The following GPC2 variants were observed in gnomAD, a reference collection of about 807,000 sequenced individuals.
GPC2 encodes the protein glypican 2, also known as glypican-2.
A neutral mutation model predicts 57.3 loss-of-function variants in GPC2; 42 were observed. The ratio of observed to expected loss-of-function variants is 0.73; its 90% CI spans 0.57 to 0.95. The LOEUF is 0.95. GPC2 is among the 40% of genes least tolerant of loss of function. The pLI, the probability that GPC2 is intolerant of heterozygous loss-of-function variation, is 0.00. For missense variants in GPC2, 745 were observed against 793.6 expected (o/e 0.94, Z 0.74); for synonymous variants, 364 against 343.4 (o/e 1.06, Z -0.66).
intron 1 of GPC2, 33 bp downstream of exon 1, chr7:100,177,001 C>T: frequency 4.0e-6 from 2 of 504,832 alleles, no homozygotes; most frequent in Middle Eastern, 6.1e-4. Context: ...CGCCCCCCAC[C>T]CCCAATTCTC....
At position 100,177,093 on chromosome 7, in the gene GPC2, C is replaced by G. The variant is rs200469639; in HGVS notation, c.107G>C (p.Arg36Pro). Reference sequence around the variant, plus strand: ...ATATCCCCGGGCCCCCAGCACCTGCCGGGTCTCTGCACAACTCCGGGTGAC... The same window carrying G: ...ATATCCCCGGGCCCCCAGCACCTGCGGGGTCTCTGCACAACTCCGGGTGAC... ...AKVTRSCAET[R>P]QVLGARGYSL... Residue 36 changes from arginine (R) to proline (P), a missense_variant, in exon 1 of 10, where the codon CGG (arginine) becomes CCG (proline). Coordinates refer to ENST00000292377, the MANE Select transcript of GPC2 (RefSeq NM_152742.3). 25 of 1,612,980 alleles carry G rather than the reference C, an allele frequency of 1.5e-5. No individual in the cohort carries two copies. Among genetic ancestry groups the G allele is most frequent in the South Asian group, 1.1e-5 (1 of 90,862 alleles).
rs1416896105 is a variant in GPC2 at position 100,171,222 on chromosome 7, A to C, written c.1486+39T>G. 1 of 1,492,968 alleles carries C rather than the reference A, an allele frequency of 6.7e-7. No individual in the cohort carries two copies. The highest frequency in any genetic ancestry group is 1.3e-5 in the South Asian group (1 of 79,518). The allele number at this position is 1,492,968 out of a possible 1,614,324, so 92.5% of individuals were successfully genotyped here. A position where few individuals can be genotyped will look rare whatever the true frequency, so the allele number is the denominator to read the frequency against. On this transcript the variant is annotated intron_variant, in intron 9 of 9. Coordinates refer to ENST00000292377, the MANE Select transcript of GPC2 (RefSeq NM_152742.3). The surrounding 1 kb of genome is among the most constrained non-coding windows in gnomAD (Gnocchi z 4.8). Reference sequence around the variant, plus strand: ...CAGGAGAGGGGAGAGGCTTCAGGGCAGTGGGCGGGGCTCAGGCTCAGGGAT... The same window carrying C: ...CAGGAGAGGGGAGAGGCTTCAGGGCCGTGGGCGGGGCTCAGGCTCAGGGAT...
Position 100,174,697 on chromosome 7 carries a change from G to A in GPC2, c.717C>T (p.Ser239=), listed in dbSNP as rs764083785. 5.6e-6 allele frequency: 9 copies of A among 1,613,250 alleles called. No individual in the cohort carries two copies. Among genetic ancestry groups the A allele is most frequent in the African/African-American group, 2.7e-5 (2 of 74,896 alleles). ...QGLETGRNVV[S]EALKVPVSEG... Reference sequence around the variant, plus strand: ...GGCACCCTCCAACCTTAAGCGCTTCGCTGACCACATTTCTTCCAGTCTCCA... The same window carrying A: ...GGCACCCTCCAACCTTAAGCGCTTCACTGACCACATTTCTTCCAGTCTCCA... The change falls in exon 4 of 10, where the codon AGC becomes AGT. Residue 239 remains serine (S), a synonymous_variant. Transcript: ENST00000292377.
rs927417801 is a variant in GPC2 at position 100,175,892 on chromosome 7, A to T, written c.328T>A (p.Phe110Ile). The change falls in exon 3 of 10, where the codon TTT becomes ATT. Residue 110 changes from phenylalanine (F) to isoleucine (I), a missense_variant and splice_region_variant. Transcript: ENST00000292377. ...LAARHRKFDE[F>I]FLEMLSVAQH... ...GCTACTGAGAGCATCTCCAGAAAAA[A>T]CTCTGCAGCAAATGCAGGGAACAGG... The T allele has an allele frequency of 1.2e-6, 2 of 1,612,172 alleles. No individual in the cohort carries two copies. The highest frequency in any genetic ancestry group is 1.7e-4 in the Middle Eastern group (1 of 6,052).
At chr7:100,172,731 A>ACGTGTATATATATG (rs1799204246) in intron 5 of GPC2, among the ~76,000 whole-genome samples, 2 of 146,582 alleles carry the variant, frequency 1.4e-5, no homozygotes, top group African/African-American at 5.1e-5. Flanking sequence ...ACGTATATAT[A>ACGTGTATATATATG]TGTGTATATA....
At position 100,175,640 on chromosome 7, in the gene GPC2, G is replaced by A. The variant is rs369401121; in HGVS notation, c.580C>T (p.Arg194Cys). ...GAGCCATCGGTAGATGAGGCCAAGC[G>A]TGAGAGGCAGAGCAGGTAGTCAGGG... ...FPPDYLLCLS[R>C]LASSTDGSLQ... Residue 194 changes from arginine to cysteine, a missense_variant, in exon 3 of 10, where the codon CGC becomes TGC. Physicochemically the swap from Arg to Cys is radical, Grantham distance 180. Around this residue, in one of 2 missense-constraint regions of GPC2, gnomAD observed 607 missense variants for 603.9 expected, o/e 1.01. Coordinates refer to ENST00000292377, the MANE Select transcript of GPC2 (RefSeq NM_152742.3). The A allele has an allele frequency of 3.1e-6, 5 of 1,614,082 alleles. No individual in the cohort carries two copies. The highest frequency in any genetic ancestry group is 3.4e-6 in the Non-Finnish European group (4 of 1,179,974).
Position 100,171,064 on chromosome 7 carries a change from G to T in GPC2, c.1486+197C>A, listed in dbSNP as rs1799167751. On this transcript the variant is annotated intron_variant, in intron 9 of 9. Transcript: ENST00000292377. This position sits in a 1 kb window ranked among gnomAD's most constrained non-coding sequence, Gnocchi z 4.8. Reference sequence around the variant, plus strand: ...GAATGTTTTCGTGTCTCCCCTACTGGCCTGAAAGGATACAGACCCCCTCAT... The same window carrying T: ...GAATGTTTTCGTGTCTCCCCTACTGTCCTGAAAGGATACAGACCCCCTCAT... 2.0e-6 allele frequency: 1 copy of T among 509,406 alleles called. No individual in the cohort carries two copies. Among genetic ancestry groups the T allele is most frequent in the Non-Finnish European group, 3.4e-6 (1 of 295,318 alleles). The allele number at this position is 509,406 out of a possible 1,614,324, so 31.6% of individuals were successfully genotyped here.
At chr7:100,170,585 G>A in intron 9 of GPC2, 102 bp from the exon 10 acceptor site, 1 of 1,159,480 alleles carries the variant, frequency 8.6e-7, no homozygotes. Context: ...AGAGGAAAGG[G>A]AGGGAGACAC....
chr7:100,170,947 C>G, intron 9 of GPC2: 1 of 360,122 alleles, frequency 2.8e-6, no homozygotes, highest in Non-Finnish European at 5.0e-6. Flanking sequence ...TGTCACCCAC[C>G]ACCCTGGCTT....
Position 100,171,512 on chromosome 7 carries a change from C to A in GPC2, c.1310+27G>T. The A allele has an allele frequency of 7.4e-7, 1 of 1,355,430 alleles. No homozygotes were observed. The highest frequency in any genetic ancestry group is 9.4e-7 in the Non-Finnish European group (1 of 1,061,512). The allele number at this position is 1,355,430 out of a possible 1,614,324, so 84.0% of individuals were successfully genotyped here. ...CTCCCGGCCGCGGTCCCGCCCCCTG[C>A]TGCCCCCCGACGCCCCCGAGGCTCA... On this transcript the variant is annotated intron_variant, in intron 8 of 9. Coordinates refer to ENST00000292377, the MANE Select transcript of GPC2 (RefSeq NM_152742.3). This position sits in a 1 kb window ranked among gnomAD's most constrained non-coding sequence, Gnocchi z 4.8.
intron 5 of GPC2, among the ~76,000 whole-genome samples, chr7:100,172,689 A>ATATATATG (rs1799200695): frequency 3.8e-5 from 4 of 106,634 alleles, no homozygotes; most frequent in Admixed American, 2.0e-4. Flanking sequence ...GTGTGTGTAT[A>ATATATATG]TATATATACG....
In GPC2 at chr7:100,171,659, C is replaced by T. The variant is rs1799180593; in HGVS notation, c.1190G>A (p.Arg397His). Residue 397 changes from arginine (R) to histidine (H), a missense_variant, in exon 8 of 10, where the codon CGT becomes CAT. Arg to His is a conservative substitution (Grantham distance 29, BLOSUM62 0). Transcript: ENST00000292377. The surrounding 1 kb of genome is among the most constrained non-coding windows in gnomAD (Gnocchi z 4.8). ...CCAGAAGCCCCGCATCCGGGCCAGA[C>T]GCTCGCGGAGCTCCCACACCTGGGC... The part of the protein sequence containing the change: ...LHRLVWELRE[R>H]LARMRGFWAR... 6.6e-7 allele frequency: 1 copy of T among 1,510,000 alleles called. No individual in the cohort carries two copies. Among genetic ancestry groups the T allele is most frequent in the Non-Finnish European group, 8.8e-7 (1 of 1,139,892 alleles). 93.5% of individuals were successfully genotyped at this position (1,510,000 alleles called of 1,614,324 possible). A position where few individuals can be genotyped will look rare whatever the true frequency, so the allele number is the denominator to read the frequency against.
At position 100,171,282 on chromosome 7, in the gene GPC2, C is replaced by A. The variant is rs933743273; in HGVS notation, c.1465G>T (p.Asp489Tyr). ...ARMKTAALGH[D>Y]LDGQDADEDA... ...TCACCCGCGTCCTGCCCGTCCAGGT[C>A]GTGTCCCAGTGCGGCCGTTTTCATT... Residue 489 changes from aspartate to tyrosine, a missense_variant, in exon 9 of 10, where the codon GAC becomes TAC. Asp to Tyr is a radical substitution (Grantham distance 160). Around this residue, in one of 2 missense-constraint regions of GPC2, gnomAD observed 607 missense variants for 603.9 expected, o/e 1.01. Transcript: ENST00000292377. The surrounding 1 kb of genome is among the most constrained non-coding windows in gnomAD (Gnocchi z 4.8). The A allele has an allele frequency of 3.9e-6, 6 of 1,535,736 alleles. No individual in the cohort carries two copies. The highest frequency in any genetic ancestry group is 5.3e-6 in the Non-Finnish European group (6 of 1,140,048).
intron 9 of GPC2, chr7:100,170,991 T>C: frequency 2.6e-6 from 1 of 385,984 alleles, no homozygotes; most frequent in African/African-American, 2.1e-5. Flanking sequence ...CTCCCCCATT[T>C]TCCCACTGCC....
In GPC2 at chr7:100,171,878, A is replaced by ACGGTTG; in HGVS notation, c.1065_1070dup (p.Asn356_Arg357dup). The ACGGTTG allele has an allele frequency of 6.5e-7, 1 of 1,528,090 alleles. No individual in the cohort carries two copies. 94.7% of individuals were successfully genotyped at this position (1,528,090 alleles called of 1,614,324 possible). On this transcript the variant is annotated inframe_insertion, in exon 7 of 10. Transcript: ENST00000292377. The surrounding 1 kb of genome is among the most constrained non-coding windows in gnomAD (Gnocchi z 4.8). ...CCTCTTCCCGGGGCGGCGGGGCTCG[A>ACGGTTG]CGGTTGCGGGCAGGCACCGGGTCGG...
chr7:100,177,057 A>G lies in GPC2; in HGVS notation c.143T>C (p.Leu48Pro). 1 of 1,495,036 alleles carries G rather than the reference A, an allele frequency of 6.7e-7. No homozygotes were observed. Among genetic ancestry groups the G allele is most frequent in the South Asian group, 1.1e-5 (1 of 88,766 alleles). 92.6% of individuals were successfully genotyped at this position (1,495,036 alleles called of 1,614,324 possible). ...ACCTGAGATCAGGGCGGGAGGGATT[A>G]GGTTTAAGCTATATCCCCGGGCCCC... ...VLGARGYSLN[L>P]IPPALISGEH... Residue 48 changes from leucine to proline, a missense_variant, in exon 1 of 10, where the codon CTA (leucine) becomes CCA (proline). Physicochemically the swap from Leu to Pro is moderately conservative, Grantham distance 98. This residue lies in a region of GPC2 where 138 missense variants were observed against 189.8 expected (regional missense o/e 0.73). Coordinates refer to ENST00000292377, the MANE Select transcript of GPC2 (RefSeq NM_152742.3).
chr7:100,174,505 G>A, intron 4 of GPC2, 180 bp downstream of exon 4: 1 of 690,226 alleles, frequency 1.4e-6, no homozygotes, highest in South Asian at 1.5e-5. Context: ...ATGGATCGTG[G>A]ACCATTGGAG....
At chr7:100,175,428 A>T in intron 3 of GPC2, 144 bp downstream of exon 3, 1 of 661,890 alleles carries the variant, frequency 1.5e-6, no homozygotes, top group Non-Finnish European at 2.6e-6. Flanking sequence ...GATAGGGATC[A>T]CCAGGTCAGA....
rs770199265 is a variant in GPC2 at position 100,174,633 on chromosome 7, C to T, written c.729+52G>A. On this transcript the variant is annotated intron_variant, in intron 4 of 9. Transcript: ENST00000292377. Reference sequence around the variant, plus strand: ...TGTTTCTTCCTTGTGGGGTCTCTCTCACTTCCACCTCTCCCTCCCTGGGCC... The same window carrying T: ...TGTTTCTTCCTTGTGGGGTCTCTCTTACTTCCACCTCTCCCTCCCTGGGCC... 58 of 1,361,212 alleles carry T rather than the reference C, an allele frequency of 4.3e-5. No individual in the cohort carries two copies. The Admixed American group carries it at 4.5e-4, about 10-fold the overall frequency. 84.3% of individuals were successfully genotyped at this position (1,361,212 alleles called of 1,614,324 possible).
Sources: gnomAD v4.1 joint callset for allele counts (sites outside exome capture counted in the v4.1 genomes callset) on GRCh38, gnomAD v4.1.1 for gene constraint, gnomAD v4.1.1 regional missense constraint, Gnocchi (gnomAD v3.1) non-coding constraint, MANE v1.5 for transcripts, NCBI Gene and HGNC (gene_info 2026-07-23, HGNC 2026-07-21) for gene names.